GRIK2: variants seen among roughly 807,000 people sequenced by gnomAD.
GRIK2 encodes glutamate ionotropic receptor kainate type subunit 2, also known as glutamate receptor ionotropic, kainate 2.
In GRIK2, 32 loss-of-function variants were observed where a neutral mutation model predicts 100.3. The observed-to-expected ratio is 0.32, with a 90% CI of 0.24 to 0.43. The LOEUF is 0.43. Ranked by LOEUF, GRIK2 falls within the 20% of genes least tolerant of loss-of-function variation. The pLI is 1.00. For synonymous variants in GRIK2, 417 were observed against 389.4 expected, an observed-to-expected ratio of 1.07 and a Z score of -0.83; for missense variants, 843 against 1,114.9, an observed-to-expected ratio of 0.76 and a Z score of 3.47.
chr6:101,424,079 G>A (rs1309134109), intron 2 of GRIK2, among the ~76,000 whole-genome samples: 1 of 152,040 alleles, frequency 6.6e-6, no homozygotes, highest in African/African-American at 2.4e-5. Context: ...ACTATTTTCT[G>A]TAAAGAAACA....
chr6:101,616,967 A>C (rs1779920439), intron 2 of GRIK2, among the ~76,000 whole-genome samples: 2 of 151,406 alleles, frequency 1.3e-5, no homozygotes, highest in Admixed American at 1.3e-4. Flanking sequence ...TTTTTATTGA[A>C]TATATTATTT....
intron 1 of GRIK2, among the ~76,000 whole-genome samples, chr6:101,396,770 G>A (rs1775026739): frequency 6.6e-6 from 1 of 152,144 alleles, no homozygotes; most frequent in Admixed American, 6.5e-5. Flanking sequence ...AAGAAAGGTC[G>A]TCTCCAGTCT....
chr6:101,891,516 CA>C (rs5878701), intron 12 of GRIK2: 30,192 of 194,314 alleles, frequency 0.16, 6 homozygotes, highest in South Asian at 0.18. Flanking sequence ...GACTCCATCT[CA>C]AAAAAAAAAA....
chr6:101,416,083 C>A, intron 2 of GRIK2, among the ~76,000 whole-genome samples: 1 of 152,142 alleles, frequency 6.6e-6, no homozygotes, highest in Non-Finnish European at 1.5e-5. Context: ...TCTGATGCTT[C>A]CAGGTCTTAT....
rs184495060 is a variant in GRIK2, at chr6:101,627,528, A to G, written c.541+891A>G. 2.5e-3 allele frequency among the ~76,000 whole-genome samples: 385 copies of G among 152,274 alleles called. 1 individual carries two copies. Among genetic ancestry groups the G allele is most frequent in the African/African-American group, 8.9e-3 (371 of 41,552 alleles). ...CAAAGCCTTGTGATGAGTCAGTGAA[A>G]CTTGCCAAGAAATTCAGAATTATGC... On this transcript the variant is annotated intron_variant, in intron 4 of 16. Coordinates refer to ENST00000369134, the MANE Select transcript of GRIK2 (RefSeq NM_021956.5).
At chr6:101,907,891 C>T (rs1001163254) in intron 12 of GRIK2, among the ~76,000 whole-genome samples, 18 of 151,424 alleles carry the variant, frequency 1.2e-4, no homozygotes, top group East Asian at 5.8e-4. Context: ...ATTAAGTAGA[C>T]ACTAATCTTT....
chr6:101,817,930 C>A (rs146097365), intron 9 of GRIK2, among the ~76,000 whole-genome samples: 2 of 152,272 alleles, frequency 1.3e-5, no homozygotes, highest in Admixed American at 6.5e-5. Context: ...TTAAGCCTAC[C>A]TTTACCTATT....
intron 15 of GRIK2, among the ~76,000 whole-genome samples, chr6:102,050,350 G>GA (rs1227406074): frequency 6.6e-6 from 1 of 151,728 alleles, no homozygotes; most frequent in Non-Finnish European, 1.5e-5. Context: ...GAAGGAAGGG[G>GA]AAGGGAACAA....
chr6:101,868,453 C>T lies in GRIK2; in HGVS notation c.1524+8960C>T, dbSNP rs530963040. Among the ~76,000 whole-genome samples, 7 of 150,562 alleles carry T rather than the reference C, an allele frequency of 4.6e-5. 1 individual carries two copies. Among genetic ancestry groups the T allele is most frequent in the East Asian group, 1.9e-4 (1 of 5,138 alleles). ...CAATGACACTATTGAAGCAGTGGGC[C>T]GAAAAATTTGTTTATCTGTGGTATA... On this transcript the variant is annotated intron_variant, in intron 11 of 16. Transcript: ENST00000369134.
intron 7 of GRIK2, among the ~76,000 whole-genome samples, chr6:101,696,745 G>A (rs1373025577): frequency 6.6e-6 from 1 of 151,846 alleles, no homozygotes; most frequent in African/African-American, 2.4e-5. Flanking sequence ...CATAGAATAG[G>A]CAGGTTATAT....
intron 15 of GRIK2, among the ~76,000 whole-genome samples, chr6:102,044,640 C>T (rs1257397154): frequency 1.3e-5 from 2 of 152,020 alleles, no homozygotes; most frequent in Non-Finnish European, 2.9e-5. Context: ...CACTGGCTCC[C>T]TCCCACAATA....
chr6:102,012,797 T>C (rs933535502), intron 14 of GRIK2, among the ~76,000 whole-genome samples: 1 of 152,190 alleles, frequency 6.6e-6, no homozygotes, highest in African/African-American at 2.4e-5. Flanking sequence ...GGTCTATGTG[T>C]CTGTTTGTGT....
chr6:101,984,830 G>A (rs72966283), intron 14 of GRIK2, among the ~76,000 whole-genome samples: 39 of 151,674 alleles, frequency 2.6e-4, no homozygotes, highest in Non-Finnish European at 4.6e-4. Context: ...TTTTAGTACA[G>A]CAATTACAAA....
At chr6:101,643,501 T>C (rs1781380008) in intron 4 of GRIK2, among the ~76,000 whole-genome samples, 1 of 151,760 alleles carries the variant, frequency 6.6e-6, no homozygotes, top group African/African-American at 2.4e-5. Flanking sequence ...ATTGACCACA[T>C]ATGTTAGAGT....
intron 11 of GRIK2, among the ~76,000 whole-genome samples, chr6:101,869,960 C>T (rs914722037): frequency 4.6e-5 from 7 of 151,836 alleles, no homozygotes; most frequent in South Asian, 2.1e-4. Flanking sequence ...ATTTTGTTAC[C>T]AACTAAGCAG....
intron 14 of GRIK2, chr6:101,993,259 T>C (rs879338234): frequency 6.6e-6 from 1 of 151,466 alleles, no homozygotes; most frequent in Non-Finnish European, 1.5e-5. Context: ...TCTTACTGTG[T>C]CATTACATGA....
At chr6:101,532,414 A>G (rs1208663971) in intron 2 of GRIK2, among the ~76,000 whole-genome samples, 1 of 151,964 alleles carries the variant, frequency 6.6e-6, no homozygotes, top group Admixed American at 6.6e-5. Context: ...TGGAACAGAA[A>G]ATTATACTAT....
At chr6:101,960,134 G>C (rs1388651238) in intron 14 of GRIK2, among the ~76,000 whole-genome samples, 1 of 137,190 alleles carries the variant, frequency 7.3e-6, no homozygotes, top group East Asian at 2.3e-4. Context: ...TTGCTCTAAT[G>C]GTAAGGCTTC....
intron 7 of GRIK2, among the ~76,000 whole-genome samples, chr6:101,709,064 A>C (rs986813008): frequency 8.6e-5 from 13 of 151,856 alleles, no homozygotes; most frequent in Non-Finnish European, 1.3e-4. Flanking sequence ...ATAATTTAAA[A>C]ATAATTTTTA....
Sources: allele counts gnomAD v4.1 joint callset (sites outside exome capture counted in the v4.1 genomes callset), GRCh38; gene constraint gnomAD v4.1.1; transcripts MANE v1.5; gene names NCBI Gene and HGNC (gene_info 2026-07-23, HGNC 2026-07-21).